The following CCT2 variants were observed in gnomAD, a reference collection of about 807,000 sequenced individuals.
The protein encoded by CCT2 is T-complex protein 1 subunit beta.
Under a neutral mutation model 61.8 loss-of-function variants are expected in CCT2, and 18 were observed. The observed-to-expected ratio is 0.29, with a 90% CI of 0.20 to 0.43. The LOEUF is 0.43. Among genes scored for constraint, CCT2 ranks in the 20% least tolerant of loss-of-function variants. The pLI is 1.00. For missense variants in CCT2, 556 were observed against 656.9 expected (o/e 0.85, Z 1.68); for synonymous variants, 248 against 215.9 (o/e 1.15, Z -1.30).
chr12:69,587,582 T>C lies in CCT2; in HGVS notation c.222T>C (p.Ile74=). ...TNDGATILKN[I]GVDNPAAKVL... is the part of the protein sequence containing the mutation. ...ATGGTGCCACTATTCTAAAAAACAT[T>C]GGTGTTGACAATCCAGCAGCTAAAG... Residue 74 remains isoleucine, a synonymous_variant, in exon 4 of 16, where the codon ATT becomes ATC. Coordinates refer to ENST00000299300, the MANE Select transcript of CCT2 (RefSeq NM_006431.3). 1 of 1,613,016 alleles carries C rather than the reference T, an allele frequency of 6.2e-7. No homozygotes were observed. Among genetic ancestry groups the C allele is most frequent in the Non-Finnish European group, 8.5e-7 (1 of 1,179,010 alleles).
In CCT2 at chr12:69,587,911, A is replaced by G; in HGVS notation, c.257-19A>G. The G allele has an allele frequency of 6.3e-7, 1 of 1,579,462 alleles. No homozygotes were observed. Among genetic ancestry groups the G allele is most frequent in the Non-Finnish European group, 8.7e-7 (1 of 1,148,700 alleles). The stretch of plus-strand genomic sequence containing the variant: ...AGCAAAGAAGCAATTTTGAGTTAAT[A>G]ACTAATTTCTTTTTCTAGATATGTC... On this transcript the variant is annotated intron_variant, in intron 4 of 15. Transcript: ENST00000299300.
rs1253726303 is a variant in CCT2, at chr12:69,586,332, G to A, written c.66G>A (p.Glu22=). 4 of 1,610,882 alleles carry A rather than the reference G, an allele frequency of 2.5e-6. No homozygotes were observed. Among genetic ancestry groups the A allele is most frequent in the Non-Finnish European group, 3.4e-6 (4 of 1,177,230 alleles). The change falls in exon 2 of 16, where the codon GAG becomes GAA. Residue 22 remains glutamate, a synonymous_variant. Transcript: ENST00000299300. ...FKAGADEERA[E]TARLTSFIGA... The stretch of plus-strand genomic sequence containing the variant: ...CAGGAGCTGATGAAGAGAGAGCAGA[G>A]ACAGCTCGTCTGGTAAGCCTTGTTC...
chr12:69,587,033 ATCT>A (rs1881685382), intron 3 of CCT2: 2 of 432,578 alleles, frequency 4.6e-6, no homozygotes, highest in Non-Finnish European at 8.1e-6. Flanking sequence ...TTGCACGTAC[ATCT>A]TCTAATATTC....
intron 10 of CCT2, among the ~76,000 whole-genome samples, chr12:69,594,332 A>G (rs1375890243): frequency 6.6e-6 from 1 of 152,182 alleles, no homozygotes; most frequent in Non-Finnish European, 1.5e-5. Flanking sequence ...AGTAACCTTT[A>G]TTGAACATTT....
chr12:69,585,490 G>A lies in CCT2; in HGVS notation c.-32G>A, dbSNP rs763985725. The A allele has an allele frequency of 3.8e-6, 6 of 1,560,772 alleles. No homozygotes were observed. Among genetic ancestry groups the A allele is most frequent in the Non-Finnish European group, 5.2e-6 (6 of 1,151,596 alleles). On this transcript the variant is annotated 5_prime_UTR_variant, in exon 1 of 16. Coordinates refer to ENST00000299300, the MANE Select transcript of CCT2 (RefSeq NM_006431.3). ...CTGGTCCCGAGCACGAGCTGTGAGGGGATTCACTTGTGTGCGGAACTCCTC... is the reference window on the plus strand; with the variant it reads ...CTGGTCCCGAGCACGAGCTGTGAGGAGATTCACTTGTGTGCGGAACTCCTC...
chr12:69,598,868 C>T (rs1237472046), intron 14 of CCT2, among the ~76,000 whole-genome samples: 3 of 149,950 alleles, frequency 2.0e-5, no homozygotes, highest in Non-Finnish European at 2.9e-5. Context: ...AACTTTCTGA[C>T]AAGCTGTGCT....
At chr12:69,598,889 G>GAC (rs1351115257) in intron 14 of CCT2, among the ~76,000 whole-genome samples, 1,550 of 152,304 alleles carry the variant, frequency 0.01, 31 homozygotes, top group African/African-American at 0.035. Context: ...GGACATTATA[G>GAC]AGTAGTCTTA....
intron 9 of CCT2, 84 bp from the exon 10 acceptor site, chr12:69,593,425 TA>T: frequency 1.1e-6 from 1 of 870,944 alleles, no homozygotes; most frequent in South Asian, 1.6e-5. Flanking sequence ...TTACTTGTGG[TA>T]AAAATGTTTA....
intron 7 of CCT2, among the ~76,000 whole-genome samples, chr12:69,590,977 C>G (rs1338089085): frequency 6.6e-6 from 1 of 152,108 alleles, no homozygotes; most frequent in Non-Finnish European, 1.5e-5. Context: ...CCTCAGCCTC[C>G]CAAAGTACTG....
At position 69,592,163 on chromosome 12, in the gene CCT2, T is replaced by C; in HGVS notation, c.750+4T>C. 6.8e-7 allele frequency: 1 copy of C among 1,468,460 alleles called. No homozygotes were observed. The highest frequency in any genetic ancestry group is 9.5e-7 in the Non-Finnish European group (1 of 1,051,618). The allele number at this position is 1,468,460 out of a possible 1,614,324, so 91.0% of individuals were successfully genotyped here. A position where few individuals can be genotyped will look rare whatever the true frequency, so the allele number is the denominator to read the frequency against. ...TATGGATACAGACAAAATAAAGGTA[T>C]GTAACTCTACTTTTTAAAAATTAAA... is the stretch of plus-strand genomic sequence containing the variant. On this transcript the variant is annotated splice_donor_region_variant and intron_variant, in intron 8 of 15. Coordinates refer to ENST00000299300, the MANE Select transcript of CCT2 (RefSeq NM_006431.3).
At chr12:69,594,696 A>C (rs1351355422) in intron 10 of CCT2, among the ~76,000 whole-genome samples, 1 of 152,134 alleles carries the variant, frequency 6.6e-6, no homozygotes, top group South Asian at 2.1e-4. Flanking sequence ...CTCTACAAAA[A>C]ATTAGCTGGG....
At chr12:69,588,353 A>T in intron 6 of CCT2, 91 bp downstream of exon 6, 1 of 882,364 alleles carries the variant, frequency 1.1e-6, no homozygotes, top group South Asian at 1.5e-5. Flanking sequence ...TGAAAAGCAT[A>T]CACAAAGATC....
rs1367999869 is a variant in CCT2, at chr12:69,599,992, A to G, written c.1565A>G (p.Lys522Arg). 9 of 1,611,732 alleles carry G rather than the reference A, an allele frequency of 5.6e-6. No homozygotes were observed. Among genetic ancestry groups the G allele is most frequent in the Admixed American group, 3.4e-5 (2 of 59,622 alleles). Reference sequence around the variant, plus strand: ...ATTCTGCGTGTGGACAACATCATCAAAGCGGCACCCAGGTACCCTAACACT... The same window carrying G: ...ATTCTGCGTGTGGACAACATCATCAGAGCGGCACCCAGGTACCCTAACACT... ...EVILRVDNII[K>R]AAPRKRVPDH... Residue 522 changes from lysine (K) to arginine (R), a missense_variant, in exon 15 of 16, where the codon AAA becomes AGA. By Grantham distance (26) the Lys-to-Arg change is conservative. Transcript: ENST00000299300.
rs199786713 is a variant in CCT2, at chr12:69,587,347, GTT to G, written c.145-157_145-156del. On this transcript the variant is annotated intron_variant, in intron 3 of 15. Coordinates refer to ENST00000299300, the MANE Select transcript of CCT2 (RefSeq NM_006431.3). ...TTTCTAGGGGTAGATACATGGTTTG[GTT>G]ACGTGGTGTATGTATTGAAAACATT... 8.8e-3 allele frequency among the ~76,000 whole-genome samples: 1,345 copies of G among 152,270 alleles called. 22 individuals carry two copies. The highest frequency in any genetic ancestry group is 0.03 in the African/African-American group (1,253 of 41,528).
In CCT2 at chr12:69,587,533, A is replaced by G. The variant is rs1265930178; in HGVS notation, c.173A>G (p.Asp58Gly). 1.2e-6 allele frequency: 2 copies of G among 1,612,930 alleles called. No individual in the cohort carries two copies. Among genetic ancestry groups the G allele is most frequent in the South Asian group, 1.1e-5 (1 of 91,052 alleles). ...MDKILLSSGR[D>G]ASLMVTNDGA... Reference sequence around the variant, plus strand: ...AAAATTCTTCTAAGCAGTGGACGAGATGCCTCTCTTATGGTAACCAATGAT... The same window carrying G: ...AAAATTCTTCTAAGCAGTGGACGAGGTGCCTCTCTTATGGTAACCAATGAT... The change falls in exon 4 of 16, where the codon GAT becomes GGT. Residue 58 changes from aspartate to glycine, a missense_variant. Physicochemically the swap from Asp to Gly is moderately conservative, Grantham distance 94. Transcript: ENST00000299300.
chr12:69,597,836 A>G, intron 12 of CCT2, 70 bp downstream of exon 12: 1 of 1,485,266 alleles, frequency 6.7e-7, no homozygotes, highest in Non-Finnish European at 9.2e-7. Context: ...AAGTGGTTTT[A>G]ATGGTTCTTA....
At chr12:69,593,321 T>A (rs1881892038) in intron 9 of CCT2, among the ~76,000 whole-genome samples, 189 bp from the exon 10 acceptor site, 1 of 152,228 alleles carries the variant, frequency 6.6e-6, no homozygotes, top group South Asian at 2.1e-4. Flanking sequence ...AGAACACTTC[T>A]TTTCAATACT....
chr12:69,591,289 G>A (rs772378552), intron 7 of CCT2, among the ~76,000 whole-genome samples: 1 of 152,188 alleles, frequency 6.6e-6, no homozygotes, highest in African/African-American at 2.4e-5. Context: ...GGGTTTGTAT[G>A]ATGGTTCCAA....
intron 10 of CCT2, among the ~76,000 whole-genome samples, chr12:69,595,837 A>T (rs1881973157): frequency 6.6e-6 from 1 of 152,210 alleles, no homozygotes; most frequent in South Asian, 2.1e-4. Flanking sequence ...AGGTGACCAC[A>T]TGGTGGCTCC....
Sources: gnomAD v4.1 joint callset for allele counts (sites outside exome capture counted in the v4.1 genomes callset) on GRCh38, gnomAD v4.1.1 for gene constraint, MANE v1.5 for transcripts, NCBI Gene and HGNC (gene_info 2026-07-23, HGNC 2026-07-21) for gene names.